ADAMTS20: variants seen among roughly 807,000 people sequenced by gnomAD.
ADAMTS20 encodes ADAM metallopeptidase with thrombospondin type 1 motif 20, also known as A disintegrin and metalloproteinase with thrombospondin motifs 20.
A neutral mutation model predicts 260.1 loss-of-function variants in ADAMTS20; 225 were observed. The ratio of observed to expected loss-of-function variants is 0.87; its 90% CI spans 0.78 to 0.97. The LOEUF is 0.97. ADAMTS20 is among the 50% of genes least tolerant of loss of function. The pLI is 0.00. For synonymous variants in ADAMTS20, 802 were observed against 769.5 expected, an observed-to-expected ratio of 1.04 and a Z score of -0.70; for missense variants, 2,400 against 2,337.7, an observed-to-expected ratio of 1.03 and a Z score of -0.55.
intron 7 of ADAMTS20, among the ~76,000 whole-genome samples, chr12:43,477,759 T>C (rs528049566): frequency 1.3e-5 from 2 of 152,284 alleles, no homozygotes; most frequent in South Asian, 2.1e-4. Flanking sequence ...ATAATAAGGA[T>C]AGATGCTATT....
At chr12:43,496,039 G>C (rs1208204198) in intron 4 of ADAMTS20, among the ~76,000 whole-genome samples, 1 of 152,158 alleles carries the variant, frequency 6.6e-6, no homozygotes, top group Non-Finnish European at 1.5e-5. Context: ...TTGGTACTCA[G>C]AGAATTTTTG....
intron 3 of ADAMTS20, 117 bp downstream of exon 3, chr12:43,531,919 A>T (rs1943226319): frequency 1.4e-6 from 1 of 735,830 alleles, no homozygotes; most frequent in Non-Finnish European, 1.8e-6. Context: ...TTCTGAATTT[A>T]AAAAATTAAT....
At chr12:43,433,639 G>A in intron 19 of ADAMTS20, 1 of 226,760 alleles carries the variant, frequency 4.4e-6, no homozygotes, top group Non-Finnish European at 9.0e-6. Context: ...AAATATGATA[G>A]ATGGACTCAT....
In ADAMTS20 at chr12:43,428,518, C is replaced by T. The variant is rs977797086; in HGVS notation, c.3668G>A (p.Cys1223Tyr). Residue 1223 changes from cysteine (C) to tyrosine (Y), a missense_variant, in exon 26 of 39, where the codon TGT becomes TAT. Coordinates refer to ENST00000389420, the MANE Select transcript of ADAMTS20 (RefSeq NM_025003.5). ...AGDWSPCSAS[C>Y]GHGKTTRQVL... The stretch of plus-strand genomic sequence containing the variant: ...TTGTCGAGTTGTTTTTCCATGGCCA[C>T]AGGAAGCTGAACACTGATCAAAAAT... 1.2e-6 allele frequency: 2 copies of T among 1,613,202 alleles called. No homozygotes were observed. Among genetic ancestry groups the T allele is most frequent in the African/African-American group, 2.7e-5 (2 of 75,006 alleles).
intron 28 of ADAMTS20, chr12:43,423,002 T>A (rs1207107684): frequency 6.6e-6 from 1 of 152,138 alleles, no homozygotes; most frequent in Non-Finnish European, 1.5e-5. Flanking sequence ...AACCTTAAAA[T>A]GTAAAATATC....
In ADAMTS20 at chr12:43,504,795, G is replaced by A. The variant is rs189317919; in HGVS notation, c.614-2390C>T. Among the ~76,000 whole-genome samples, 9 of 152,126 alleles carry A rather than the reference G, an allele frequency of 5.9e-5. No individual in the cohort carries two copies. The East Asian group carries it at 1.7e-3, about 29-fold the overall frequency. On this transcript the variant is annotated intron_variant, in intron 3 of 38. Transcript: ENST00000389420. The stretch of plus-strand genomic sequence containing the variant: ...GATAAAATTTCAGGTATCTTTAGGT[G>A]CTTCAATACCAATTCAACCAAGAGA...
chr12:43,407,989 A>G (rs2137265378), intron 28 of ADAMTS20, among the ~76,000 whole-genome samples: 1 of 152,306 alleles, frequency 6.6e-6, no homozygotes, highest in Non-Finnish European at 1.5e-5. Flanking sequence ...AAACTCATCT[A>G]AAGAGTTCCT....
In ADAMTS20 at chr12:43,462,920, T is replaced by C. The variant is rs759950326; in HGVS notation, c.1589A>G (p.Asp530Gly). 5.8e-5 allele frequency: 94 copies of C among 1,608,216 alleles called. No individual in the cohort carries two copies. Among genetic ancestry groups the C allele is most frequent in the Admixed American group, 5.1e-4 (30 of 59,332 alleles). Residue 530 changes from aspartate (D) to glycine (G), a missense_variant, in exon 11 of 39, where the codon GAT becomes GGT. By Grantham distance (94) the Asp-to-Gly change is moderately conservative. Transcript: ENST00000389420. ...GCFTQHVPPA[D>G]GTDCGPGMHC... ...CATTCCAGGACCGCAGTCTGTTCCATCTGCTGGTGGCACGTGTTGAGTGAA... is the reference window on the plus strand; with the variant it reads ...CATTCCAGGACCGCAGTCTGTTCCACCTGCTGGTGGCACGTGTTGAGTGAA...
At chr12:43,525,249 C>T (rs1041874571) in intron 3 of ADAMTS20, among the ~76,000 whole-genome samples, 6 of 152,178 alleles carry the variant, frequency 3.9e-5, no homozygotes, top group Non-Finnish European at 7.3e-5. Context: ...GACAGGACAA[C>T]TGTCAGTTAA....
intron 3 of ADAMTS20, among the ~76,000 whole-genome samples, chr12:43,510,483 C>T (rs1942907366): frequency 6.6e-6 from 1 of 151,196 alleles, no homozygotes; most frequent in Non-Finnish European, 1.5e-5. Context: ...AGTGGTGTTA[C>T]AAATGTTGAT....
chr12:43,551,865 G>T lies in ADAMTS20; in HGVS notation c.57C>A (p.Thr19=). ...GGTGGAAGTCAACTTCCCAAGACCTGGTGATGAAGAGCGAGAGATGGTAGA... is the reference window on the plus strand; with the variant it reads ...GGTGGAAGTCAACTTCCCAAGACCTTGTGATGAAGAGCGAGAGATGGTAGA... The part of the protein sequence containing the change: ...GLLYHLSLFI[T]RSWEVDFHPR... The change falls in exon 1 of 39, where the codon ACC becomes ACA. Residue 19 remains threonine, a synonymous_variant. Coordinates refer to ENST00000389420, the MANE Select transcript of ADAMTS20 (RefSeq NM_025003.5). The surrounding 1 kb of genome is among the most constrained non-coding windows in gnomAD (Gnocchi z 4.6). 6.2e-7 allele frequency: 1 copy of T among 1,613,750 alleles called. No individual in the cohort carries two copies. The highest frequency in any genetic ancestry group is 8.5e-7 in the Non-Finnish European group (1 of 1,179,742).
rs1040825242 is a variant in ADAMTS20, at chr12:43,493,173, C to G, written c.948G>C (p.Glu316Asp). ...VVVKLVMIHREEEGPVINFDG... is the reference protein window; with the variant it reads ...VVVKLVMIHRDEEGPVINFDG... ...TAATTTTAGACCTGTTTCTTACCTCCTCACGGTGAATCATAACTAATTTTA... is the reference window on the plus strand; with the variant it reads ...TAATTTTAGACCTGTTTCTTACCTCGTCACGGTGAATCATAACTAATTTTA... The change falls in exon 5 of 39, where the codon GAG becomes GAC. Residue 316 changes from glutamate (E) to aspartate (D), a missense_variant. Physicochemically the swap from Glu to Asp is conservative, Grantham distance 45. Transcript: ENST00000389420. The G allele has an allele frequency of 1.3e-6, 2 of 1,557,108 alleles. No homozygotes were observed. The highest frequency in any genetic ancestry group is 1.9e-5 in the Admixed American group (1 of 51,788).
Position 43,500,182 on chromosome 12 carries a change from C to G in ADAMTS20, c.867+1970G>C, listed in dbSNP as rs148309565. Among the ~76,000 whole-genome samples, 1,260 of 152,160 alleles carry G rather than the reference C, an allele frequency of 8.3e-3. 20 individuals are homozygous for G. Among genetic ancestry groups the G allele is most frequent in the African/African-American group, 0.028 (1,180 of 41,516 alleles). On this transcript the variant is annotated intron_variant, in intron 4 of 38. Transcript: ENST00000389420. ...TAGCTGGGATTACAGGCATGTGCCA[C>G]CACGCCTGGCTAATTTTTGTATTTT... is the stretch of plus-strand genomic sequence containing the variant.
At chr12:43,528,639 C>T (rs1038048278) in intron 3 of ADAMTS20, among the ~76,000 whole-genome samples, 2 of 151,986 alleles carry the variant, frequency 1.3e-5, no homozygotes, top group Admixed American at 1.3e-4. Flanking sequence ...TATCTCTCCC[C>T]TTGTACAAAA....
At chr12:43,429,768 C>G (rs1046949055) in intron 23 of ADAMTS20, 44 bp from the exon 24 acceptor site, 6 of 1,248,646 alleles carry the variant, frequency 4.8e-6, no homozygotes, top group Admixed American at 2.5e-5. Context: ...TAATTAATGA[C>G]TGATTTATAC....
chr12:43,397,076 T>A (rs989434401), intron 29 of ADAMTS20, among the ~76,000 whole-genome samples: 2 of 152,156 alleles, frequency 1.3e-5, no homozygotes. Flanking sequence ...GACACACCTC[T>A]ATCCAGATCA....
rs552108377 is a variant in ADAMTS20, at chr12:43,552,182, G to C, written c.-261C>G. Among the ~76,000 whole-genome samples the C allele has an allele frequency of 6.6e-6, 1 of 152,214 alleles. No individual in the cohort carries two copies. The highest frequency in any genetic ancestry group is 6.5e-5 in the Admixed American group (1 of 15,286). On this transcript the variant is annotated 5_prime_UTR_variant, in exon 1 of 39. Transcript: ENST00000389420. ...CTGCCCTCAGAAACTCTCTGCTCAG[G>C]TTCAGCTCGGCGCGGGGAAGCAACT...
intron 31 of ADAMTS20, among the ~76,000 whole-genome samples, chr12:43,381,056 G>T (rs541476814): frequency 6.6e-6 from 1 of 152,206 alleles, no homozygotes; most frequent in East Asian, 1.9e-4. Context: ...CAAGAAAATA[G>T]AATTGAGAGT....
chr12:43,385,899 T>A (rs11182046), intron 29 of ADAMTS20, among the ~76,000 whole-genome samples: 37,788 of 152,056 alleles, frequency 0.25, 5,299 homozygotes, highest in African/African-American at 0.38. Flanking sequence ...TTATGCGTCC[T>A]GGAATTTATT....
Sources: gnomAD v4.1 joint callset for allele counts (sites outside exome capture counted in the v4.1 genomes callset) on GRCh38, gnomAD v4.1.1 for gene constraint, Gnocchi (gnomAD v3.1) non-coding constraint, MANE v1.5 for transcripts, NCBI Gene and HGNC (gene_info 2026-07-23, HGNC 2026-07-21) for gene names.